Variants in MVK observed in about 807,000 individuals in gnomAD.
MVK encodes the protein mevalonate kinase, also known as LH receptor mRNA-binding protein.
Under a neutral mutation model 43.2 loss-of-function variants are expected in MVK, and 34 were observed. That is an observed-to-expected ratio of 0.79 (90% confidence interval 0.60 to 1.05). MVK has a LOEUF of 1.05. MVK is among the 50% of genes least tolerant of loss of function. The pLI is 0.00. For missense variants in MVK, 395 were observed against 504.0 expected (o/e 0.78, Z 2.07); for synonymous variants, 190 against 219.8 (o/e 0.86, Z 1.20).
At chr12:109,578,331 C>T (rs995729789) in intron 3 of MVK, among the ~76,000 whole-genome samples, 2 of 151,498 alleles carry the variant, frequency 1.3e-5, no homozygotes, top group African/African-American at 4.9e-5. Flanking sequence ...TTCCTGGGCT[C>T]AAGTGTTCTT....
chr12:109,575,054 C>CA (rs1405341400), intron 2 of MVK, among the ~76,000 whole-genome samples, 154 bp downstream of exon 2: 1 of 152,104 alleles, frequency 6.6e-6, no homozygotes, highest in Non-Finnish European at 1.5e-5. Flanking sequence ...TTCTTATGCC[C>CA]ACTGAAGGGA....
chr12:109,596,375 C>T (rs530401921), intron 10 of MVK, 51 bp from the exon 11 acceptor site: 1 of 1,589,564 alleles, frequency 6.3e-7, no homozygotes, highest in Non-Finnish European at 8.5e-7. Flanking sequence ...TGATGAGCTT[C>T]TCCCACGGAG....
intron 9 of MVK, among the ~76,000 whole-genome samples, chr12:109,592,415 C>T (rs562761774): frequency 1.6e-3 from 243 of 152,322 alleles, no homozygotes; most frequent in African/African-American, 5.6e-3. Flanking sequence ...GGCTGTGCAG[C>T]AGCCGTCAGT....
chr12:109,581,979 T>C (rs1885238094), intron 5 of MVK, among the ~76,000 whole-genome samples: 1 of 152,166 alleles, frequency 6.6e-6, no homozygotes, highest in Non-Finnish European at 1.5e-5. Flanking sequence ...TACCACATGG[T>C]TATGAAAGAA....
chr12:109,591,377 AACCGGGGTTACTGAGTCCACACC>A lies in MVK; in HGVS notation c.885+23_885+45del. 1 of 1,608,512 alleles carries A rather than the reference AACCGGGGTTACTGAGTCCACACC, an allele frequency of 6.2e-7. No homozygotes were observed. The highest frequency in any genetic ancestry group is 8.5e-7 in the Non-Finnish European group (1 of 1,175,348). On this transcript the variant is annotated intron_variant, in intron 9 of 10. Transcript: ENST00000228510. ...CTGGAAGTAAGAGCCTGTCTGCAGG[AACCGGGGTTACTGAGTCCACACC>A]ACTGTCCAAGGCAGTGGCTCTGCAA...
chr12:109,576,451 G>A (rs897653588), intron 3 of MVK, among the ~76,000 whole-genome samples: 8 of 152,088 alleles, frequency 5.3e-5, no homozygotes, highest in Admixed American at 2.0e-4. Context: ...AAAAGGTCTC[G>A]GGGGCATAGA....
rs1885224081 is a variant in MVK, at chr12:109,581,615, C to T, written c.527+65C>T. ...GGCAGGACAGGGACGTGGCTTCTCT[C>T]ACTGAGACCTCACCACCTCCCTGTG... On this transcript the variant is annotated intron_variant, in intron 5 of 10. Transcript: ENST00000228510. 2.5e-6 allele frequency: 4 copies of T among 1,608,072 alleles called. No homozygotes were observed. The Admixed American group carries it at 5.0e-5, about 20-fold the overall frequency.
rs940136791 is a variant in MVK, at chr12:109,587,065, A to G, written c.677+266A>G. 1.2e-5 allele frequency: 6 copies of G among 493,560 alleles called. No individual in the cohort carries two copies. The Middle Eastern group carries it at 2.3e-3, about 192-fold the overall frequency. The allele number at this position is 493,560 out of a possible 1,614,324, so 30.6% of individuals were successfully genotyped here. On this transcript the variant is annotated intron_variant, in intron 7 of 10. Coordinates refer to ENST00000228510, the MANE Select transcript of MVK (RefSeq NM_000431.4). ...TGTGCCCGTAGACTCTCAGCTGCTC[A>G]TTCATTCATTCCTGTATTTGCTTAG...
chr12:109,574,884 C>A lies in MVK; in HGVS notation c.62C>A (p.Ala21Asp). ...AAAGTCATCCTTCATGGAGAACATG[C>A]CGTGGTACATGGCAAGGTACAAAGC... ...PGKVILHGEH[A>D]VVHGKVALAV... The change falls in exon 2 of 11, where the codon GCC becomes GAC. Residue 21 changes from alanine (A) to aspartate (D), a missense_variant. Coordinates refer to ENST00000228510, the MANE Select transcript of MVK (RefSeq NM_000431.4). The A allele has an allele frequency of 6.2e-7, 1 of 1,609,318 alleles. No homozygotes were observed. Among genetic ancestry groups the A allele is most frequent in the Non-Finnish European group, 8.5e-7 (1 of 1,177,852 alleles).
At chr12:109,592,181 T>C (rs1885714133) in intron 9 of MVK, among the ~76,000 whole-genome samples, 1 of 152,204 alleles carries the variant, frequency 6.6e-6, no homozygotes, top group Non-Finnish European at 1.5e-5. Flanking sequence ...GAGGTCAAGT[T>C]TGTAGCCTGG....
rs72646994 is a variant in MVK at position 109,576,669 on chromosome 12, G to A, written c.226+524G>A. ...GCGGATCATCTGAGGTCAGGAGTTC[G>A]AGACCAGCCTGGCCAACATGTCGAA... On this transcript the variant is annotated intron_variant, in intron 3 of 10. Coordinates refer to ENST00000228510, the MANE Select transcript of MVK (RefSeq NM_000431.4). 5.3e-5 allele frequency among the ~76,000 whole-genome samples: 8 copies of A among 152,196 alleles called. No individual in the cohort carries two copies. In the South Asian group the frequency reaches 6.2e-4, roughly 12 times the overall value.
In MVK at chr12:109,576,645, C is replaced by T. The variant is rs773073633; in HGVS notation, c.226+500C>T. ...CAGCACTTTGGGAGGCCAAGGCGGG[C>T]GGATCATCTGAGGTCAGGAGTTCGA... On this transcript the variant is annotated intron_variant, in intron 3 of 10. Coordinates refer to ENST00000228510, the MANE Select transcript of MVK (RefSeq NM_000431.4). Among the ~76,000 whole-genome samples, 10 of 152,112 alleles carry T rather than the reference C, an allele frequency of 6.6e-5. No individual in the cohort carries two copies. The East Asian group carries it at 9.7e-4, about 15-fold the overall frequency.
chr12:109,593,145 C>T (rs1313461195), intron 9 of MVK, among the ~76,000 whole-genome samples: 7 of 152,252 alleles, frequency 4.6e-5, no homozygotes, highest in African/African-American at 9.6e-5. Flanking sequence ...GAACCTGCCT[C>T]GGCAACGTGA....
intron 5 of MVK, among the ~76,000 whole-genome samples, chr12:109,581,795 C>A (rs1885229799): frequency 6.6e-6 from 1 of 152,188 alleles, no homozygotes; most frequent in Admixed American, 6.5e-5. Context: ...CCTCTGCTCA[C>A]CCCCATCTTG....
chr12:109,584,391 C>A (rs1885351885), intron 5 of MVK, among the ~76,000 whole-genome samples: 1 of 152,218 alleles, frequency 6.6e-6, no homozygotes, highest in Admixed American at 6.5e-5. Context: ...CCCCCAGGCG[C>A]TGTGACCCCA....
intron 8 of MVK, among the ~76,000 whole-genome samples, 185 bp from the exon 9 acceptor site, chr12:109,591,056 G>A (rs1375076573): frequency 6.6e-6 from 1 of 152,184 alleles, no homozygotes; most frequent in Non-Finnish European, 1.5e-5. Flanking sequence ...CAGTGGTCGG[G>A]CTCGTTAGAC....
chr12:109,576,146 G>A lies in MVK; in HGVS notation c.226+1G>A. ...CAGTCACTGGACACAAGCTTTCTGG[G>A]TGAGTGCAAGGAGGAGAAACCAGGT... is the stretch of plus-strand genomic sequence containing the variant. On this transcript the variant is annotated splice_donor_variant, in intron 3 of 10. Transcript: ENST00000228510. LOFTEE classifies it high-confidence loss of function. 1.2e-6 allele frequency: 2 copies of A among 1,614,136 alleles called. No homozygotes were observed. Among genetic ancestry groups the A allele is most frequent in the Non-Finnish European group, 1.7e-6 (2 of 1,180,010 alleles).
At position 109,591,239 on chromosome 12, in the gene MVK, A is replaced by G; in HGVS notation, c.769-2A>G. ...CCAGCCGTTCCTTCTTTTTTTCTCC[A>G]GTTCCCAGAGATCGTGGCCCCCCTC... On this transcript the variant is annotated splice_acceptor_variant, in intron 8 of 10. Transcript: ENST00000228510. LOFTEE classifies it high-confidence loss of function. 1 of 1,613,790 alleles carries G rather than the reference A, an allele frequency of 6.2e-7. No homozygotes were observed. The highest frequency in any genetic ancestry group is 8.5e-7 in the Non-Finnish European group (1 of 1,179,812).
chr12:109,581,499 CTG>C lies in MVK; in HGVS notation c.481_482del (p.Cys161ArgfsTer25). On this transcript the variant is annotated frameshift_variant, in exon 5 of 11. Transcript: ENST00000228510. LOFTEE classifies it high-confidence loss of function. The stretch of plus-strand genomic sequence containing the variant: ...GTGTGTCTGGCAGCAGCCCTCCTGA[CTG>C]TGTGCGAGGAGATCCCAAACCCGCT... The C allele has an allele frequency of 1.9e-6, 3 of 1,614,226 alleles. No individual in the cohort carries two copies. Among genetic ancestry groups the C allele is most frequent in the Non-Finnish European group, 2.5e-6 (3 of 1,180,034 alleles).
Sources: allele counts gnomAD v4.1 joint callset (sites outside exome capture counted in the v4.1 genomes callset), GRCh38; gene constraint gnomAD v4.1.1; transcripts MANE v1.5; gene names NCBI Gene and HGNC (gene_info 2026-07-23, HGNC 2026-07-21).